The following PRPF18 variants were observed in gnomAD, a reference collection of about 807,000 sequenced individuals.
PRPF18 encodes the protein pre-mRNA processing factor 18.
A neutral mutation model predicts 46.5 loss-of-function variants in PRPF18; 38 were observed. That is an observed-to-expected ratio of 0.82 (90% CI 0.63 to 1.07). The LOEUF (loss-of-function observed/expected upper bound fraction) is 1.07. Among genes scored for constraint, PRPF18 ranks in the 50% least tolerant of loss-of-function variants. The pLI is 0.00. For missense variants in PRPF18, 263 were observed against 410.0 expected, an observed-to-expected ratio of 0.64 and a Z score of 3.10; for synonymous variants, 152 against 146.7, an observed-to-expected ratio of 1.04 and a Z score of -0.26.
At chr10:13,613,600 A>G (rs2080301658) in intron 6 of PRPF18, 141 bp from the exon 7 acceptor site, 1 of 906,782 alleles carries the variant, frequency 1.1e-6, no homozygotes, top group Non-Finnish European at 1.6e-6. Context: ...GAACTAGCTT[A>G]TTCTATATTA....
chr10:13,608,230 G>A (rs1292978939), intron 4 of PRPF18, among the ~76,000 whole-genome samples: 34 of 152,188 alleles, frequency 2.2e-4, no homozygotes. Context: ...CTTGCTTGGG[G>A]TCTTTATTGT....
chr10:13,650,785 A>T, the PRPF18 span, among the ~76,000 whole-genome samples: 1 of 152,060 alleles, frequency 6.6e-6, no homozygotes, highest in Non-Finnish European at 1.5e-5. Context: ...CCTCACCCTT[A>T]TCTGTGCATC....
the PRPF18 span, among the ~76,000 whole-genome samples, chr10:13,637,348 G>A: frequency 1.3e-5 from 2 of 152,258 alleles, no homozygotes; most frequent in South Asian, 2.1e-4. Context: ...TATATCCTCT[G>A]TCATTTTCAT....
the PRPF18 span, chr10:13,644,625 C>G: frequency 6.6e-6 from 1 of 152,192 alleles, no homozygotes; most frequent in Non-Finnish European, 1.5e-5. Context: ...TTTCTCCAGA[C>G]TAGATTTCAA....
chr10:13,654,337 A>T, the PRPF18 span: 2 of 945,070 alleles, frequency 2.1e-6, no homozygotes, highest in Admixed American at 1.7e-5. Flanking sequence ...TTACTGACAT[A>T]TCCTTATGTC....
chr10:13,618,086 A>G (rs1238788897), intron 9 of PRPF18, among the ~76,000 whole-genome samples: 1 of 152,132 alleles, frequency 6.6e-6, no homozygotes, highest in African/African-American at 2.4e-5. Flanking sequence ...TGTCCTGTCG[A>G]ACCTTTTAAT....
At chr10:13,650,434 G>GTGTA in the PRPF18 span, among the ~76,000 whole-genome samples, 1 of 152,122 alleles carries the variant, frequency 6.6e-6, no homozygotes, top group Non-Finnish European at 1.5e-5. Flanking sequence ...GTATGTATTC[G>GTGTA]TGTATGTATG....
the PRPF18 span, chr10:13,654,431 A>G: frequency 5.6e-6 from 9 of 1,598,358 alleles, no homozygotes; most frequent in Non-Finnish European, 7.7e-6. Context: ...CTGCCAGGTT[A>G]GGATGTGGTG....
chr10:13,647,729 A>C, the PRPF18 span: 1 of 127,492 alleles, frequency 7.8e-6, no homozygotes, highest in Non-Finnish European at 1.6e-5. Context: ...AGAAAATAAA[A>C]GGCTTTTTTT....
Position 13,587,022 on chromosome 10 carries a change from C to G in PRPF18, c.-65C>G. 6.5e-7 allele frequency: 1 copy of G among 1,541,316 alleles called. No individual in the cohort carries two copies. The highest frequency in any genetic ancestry group is 1.4e-5 in the African/African-American group (1 of 73,418). ...GTATACTCAGTGGGTTCGCGGCCGC[C>G]GGCCCAGTGAGGCTGGGTTCGAGGA... On this transcript the variant is annotated 5_prime_UTR_variant, in exon 1 of 10. Coordinates refer to ENST00000378572, the MANE Select transcript of PRPF18 (RefSeq NM_003675.4).
intron 9 of PRPF18, among the ~76,000 whole-genome samples, chr10:13,630,014 A>G (rs1228355319): frequency 1.3e-5 from 2 of 152,122 alleles, no homozygotes; most frequent in Non-Finnish European, 2.9e-5. Context: ...ATGTCCTCCT[A>G]TGGATGGAAA....
intron 9 of PRPF18, among the ~76,000 whole-genome samples, chr10:13,627,777 G>A (rs750600871): frequency 6.6e-6 from 1 of 152,168 alleles, no homozygotes; most frequent in Non-Finnish European, 1.5e-5. Context: ...CATCACACAC[G>A]TCTTCTGTAA....
the PRPF18 span, chr10:13,651,028 C>G: frequency 0.048 from 7,259 of 152,284 alleles, 484 homozygotes; most frequent in African/African-American, 0.14. Context: ...TGATTTCAAG[C>G]CCTTGTGTCC....
chr10:13,593,159 T>C (rs955155645), intron 1 of PRPF18, among the ~76,000 whole-genome samples: 7 of 152,078 alleles, frequency 4.6e-5, no homozygotes, highest in African/African-American at 1.2e-4. Flanking sequence ...ATGGGAGACA[T>C]TGGAAAATAA....
chr10:13,635,941 C>T, the PRPF18 span, among the ~76,000 whole-genome samples: 5 of 151,806 alleles, frequency 3.3e-5, no homozygotes, highest in Admixed American at 6.6e-5. Flanking sequence ...ATACTTCTGC[C>T]GTAATATGTA....
intron 3 of PRPF18, among the ~76,000 whole-genome samples, chr10:13,604,224 C>G (rs1490535210): frequency 6.6e-6 from 1 of 152,138 alleles, no homozygotes; most frequent in Non-Finnish European, 1.5e-5. Context: ...ACTGGGAGCC[C>G]TCTCAATGGA....
the PRPF18 span, chr10:13,641,608 A>G: frequency 6.6e-6 from 1 of 152,252 alleles, no homozygotes; most frequent in Non-Finnish European, 1.5e-5. Context: ...AAAACTACCA[A>G]GGAGATTGAA....
chr10:13,587,544 C>T (rs896838212), intron 1 of PRPF18, among the ~76,000 whole-genome samples: 1 of 152,254 alleles, frequency 6.6e-6, no homozygotes, highest in African/African-American at 2.4e-5. Flanking sequence ...CCTGCCTTTC[C>T]ACCACCTCTC....
rs1195491048 is a variant in PRPF18 at position 13,597,089 on chromosome 10, A to G, written c.67-369A>G. Reference sequence around the variant, plus strand: ...TGTTTCTGTTAGGAAAAAATAATTGAGGTATACCATTTTATGTGTTTCATA... The same window carrying G: ...TGTTTCTGTTAGGAAAAAATAATTGGGGTATACCATTTTATGTGTTTCATA... On this transcript the variant is annotated intron_variant, in intron 1 of 9. Transcript: ENST00000378572. Among the ~76,000 whole-genome samples the G allele has an allele frequency of 2.6e-5, 4 of 152,290 alleles. No homozygotes were observed. In the East Asian group the frequency reaches 7.7e-4, roughly 29 times the overall value.
Sources: allele counts gnomAD v4.1 joint callset (sites outside exome capture counted in the v4.1 genomes callset), GRCh38; gene constraint gnomAD v4.1.1; transcripts MANE v1.5; gene names NCBI Gene and HGNC (gene_info 2026-07-23, HGNC 2026-07-21).